Variants in EXOC4 observed in about 807,000 individuals in gnomAD.
The protein encoded by EXOC4 is SEC8-like 1.
In EXOC4, 71 loss-of-function variants were observed where a neutral mutation model predicts 107.2. The ratio of observed to expected loss-of-function variants is 0.66; its 90% confidence interval spans 0.55 to 0.81. The LOEUF is 0.81. Among genes scored for constraint, EXOC4 ranks in the 30% least tolerant of loss-of-function variants. The pLI is 0.00. For missense variants in EXOC4, 1,108 were observed against 1,189.6 expected (o/e 0.93, Z 1.01); for synonymous variants, 456 against 441.2 (o/e 1.03, Z -0.42).
At chr7:133,432,723 C>G (rs1797883383) in intron 7 of EXOC4, among the ~76,000 whole-genome samples, 1 of 152,194 alleles carries the variant, frequency 6.6e-6, no homozygotes. Context: ...CCAGTTTCTG[C>G]TAATGCTACT....
chr7:133,722,952 G>T (rs899960147), intron 10 of EXOC4, among the ~76,000 whole-genome samples: 3 of 152,190 alleles, frequency 2.0e-5, no homozygotes, highest in Non-Finnish European at 4.4e-5. Flanking sequence ...TCTTAGGTCA[G>T]TGATCATCAT....
intron 9 of EXOC4, among the ~76,000 whole-genome samples, chr7:133,566,101 C>T (rs181151025): frequency 6.6e-6 from 1 of 152,174 alleles, no homozygotes; most frequent in African/African-American, 2.4e-5. Context: ...AGTGTATTGG[C>T]CTATATGAAA....
intron 17 of EXOC4, among the ~76,000 whole-genome samples, chr7:134,047,335 A>G (rs1167336642): frequency 2.6e-5 from 4 of 151,832 alleles, no homozygotes; most frequent in Admixed American, 2.6e-4. Flanking sequence ...TTTTCTTTAT[A>G]TGTAGACTTA....
the EXOC4 span, among the ~76,000 whole-genome samples, chr7:134,073,079 G>T: frequency 1.3e-5 from 2 of 151,318 alleles, no homozygotes; most frequent in East Asian, 3.9e-4. Context: ...AGTGGCGGGT[G>T]CTTATAATCC....
chr7:133,845,804 C>G (rs1798115464), intron 11 of EXOC4, among the ~76,000 whole-genome samples: 1 of 152,122 alleles, frequency 6.6e-6, no homozygotes, highest in Admixed American at 6.6e-5. Context: ...GCCATGAACA[C>G]AAGTCAGAGT....
At chr7:133,569,336 A>C (rs771570318) in intron 9 of EXOC4, among the ~76,000 whole-genome samples, 4 of 152,152 alleles carry the variant, frequency 2.6e-5, no homozygotes, top group Non-Finnish European at 4.4e-5. Flanking sequence ...CTTTAATGCA[A>C]GGGACAACAA....
At chr7:134,023,985 A>G (rs1490535047) in intron 17 of EXOC4, among the ~76,000 whole-genome samples, 1 of 152,204 alleles carries the variant, frequency 6.6e-6, no homozygotes, top group Non-Finnish European at 1.5e-5. Flanking sequence ...GACCTCAGAG[A>G]GACCTGGCAT....
At chr7:134,011,681 T>C (rs769376600) in intron 17 of EXOC4, among the ~76,000 whole-genome samples, 3 of 152,040 alleles carry the variant, frequency 2.0e-5, no homozygotes, top group Non-Finnish European at 4.4e-5. Flanking sequence ...ATGTTCTCTG[T>C]AGGTCCTGGC....
At chr7:133,866,392 G>T (rs1006102759) in intron 11 of EXOC4, among the ~76,000 whole-genome samples, 5 of 152,114 alleles carry the variant, frequency 3.3e-5, no homozygotes, top group African/African-American at 1.2e-4. Context: ...GTTGGTATGA[G>T]ATGTTTGGGG....
chr7:133,836,804 C>A (rs901935456), intron 11 of EXOC4, among the ~76,000 whole-genome samples: 1 of 152,180 alleles, frequency 6.6e-6, no homozygotes, highest in Non-Finnish European at 1.5e-5. Context: ...AGTCCTTGAG[C>A]AGCTAATCCT....
chr7:133,964,663 C>G (rs1801021999), intron 14 of EXOC4, among the ~76,000 whole-genome samples: 1 of 152,072 alleles, frequency 6.6e-6, no homozygotes, highest in African/African-American at 2.4e-5. Context: ...TGAACTCATC[C>G]TTTTTTATGT....
At chr7:133,283,369 CCAAA>C (rs1794202878) in intron 2 of EXOC4, among the ~76,000 whole-genome samples, 1 of 152,166 alleles carries the variant, frequency 6.6e-6, no homozygotes. Context: ...GCCACCATGC[CCAAA>C]CAGATTTCCT....
At chr7:133,917,432 A>G in intron 12 of EXOC4, 151 bp from the exon 13 acceptor site, 1 of 629,838 alleles carries the variant, frequency 1.6e-6, no homozygotes, top group East Asian at 2.7e-5. Flanking sequence ...TGACCTATTA[A>G]TGGGTATCAT....
intron 9 of EXOC4, among the ~76,000 whole-genome samples, chr7:133,500,850 T>C (rs961736835): frequency 6.6e-6 from 1 of 152,194 alleles, no homozygotes; most frequent in East Asian, 1.9e-4. Context: ...TATAACATCT[T>C]ATTGATGTAG....
At chr7:133,687,033 G>C (rs13225599) in intron 10 of EXOC4, among the ~76,000 whole-genome samples, 12 of 148,166 alleles carry the variant, frequency 8.1e-5, no homozygotes, top group Middle Eastern at 3.4e-3. Flanking sequence ...GTGTGTGTGT[G>C]TGTGTCTGTG....
intron 14 of EXOC4, among the ~76,000 whole-genome samples, chr7:133,963,961 T>C (rs1478467950): frequency 6.6e-6 from 1 of 152,220 alleles, no homozygotes; most frequent in African/African-American, 2.4e-5. Context: ...GAGTAGTTCA[T>C]CTTGAAAGGA....
chr7:133,610,888 T>G (rs1035337514), intron 9 of EXOC4, among the ~76,000 whole-genome samples: 1 of 151,748 alleles, frequency 6.6e-6, no homozygotes, highest in South Asian at 2.1e-4. Flanking sequence ...TAGGGCTCAC[T>G]GCAGCTGTGA....
intron 11 of EXOC4, among the ~76,000 whole-genome samples, chr7:133,833,782 C>T (rs1797860750): frequency 6.6e-6 from 1 of 152,166 alleles, no homozygotes; most frequent in African/African-American, 2.4e-5. Context: ...CCATGCTGGT[C>T]TCAAACTCCT....
At chr7:133,830,357 A>T (rs568408974) in intron 11 of EXOC4, among the ~76,000 whole-genome samples, 1 of 152,358 alleles carries the variant, frequency 6.6e-6, no homozygotes, top group Non-Finnish European at 1.5e-5. Context: ...AGCAGAGAGT[A>T]GGCTGGCCTG....
Sources: allele counts gnomAD v4.1 joint callset (sites outside exome capture counted in the v4.1 genomes callset), GRCh38; gene constraint gnomAD v4.1.1; transcripts MANE v1.5; gene names NCBI Gene and HGNC (gene_info 2026-07-23, HGNC 2026-07-21).